Variants in CSMD3 observed in about 807,000 individuals in gnomAD.
CSMD3 encodes CUB and sushi domain-containing protein 3.
Under a neutral mutation model 435.2 loss-of-function variants are expected in CSMD3, and 177 were observed. The ratio of observed to expected loss-of-function variants is 0.41; its 90% confidence interval spans 0.36 to 0.46. The LOEUF is 0.46. Among genes scored for constraint, CSMD3 ranks in the 20% least tolerant of loss-of-function variants. CSMD3 has a pLI of 0.34. For missense variants in CSMD3, 4,265 were observed against 4,504.6 expected, an observed-to-expected ratio of 0.95 and a Z score of 1.52; for synonymous variants, 1,656 against 1,520.5, an observed-to-expected ratio of 1.09 and a Z score of -2.07.
At position 113,342,509 on chromosome 8, in the gene CSMD3, T is replaced by G. The variant is rs750260; in HGVS notation, c.179-27716A>C. ...ATTGATTAAATTGATCTGATTAACATAAAATATTCCAAGTATTATTTATTT... is the reference window on the plus strand; with the variant it reads ...ATTGATTAAATTGATCTGATTAACAGAAAATATTCCAAGTATTATTTATTT... On this transcript the variant is annotated intron_variant, in intron 1 of 70. Transcript: ENST00000297405. Among the ~76,000 whole-genome samples the G allele has an allele frequency of 7.9e-4, 120 of 152,272 alleles. No individual in the cohort carries two copies. The Middle Eastern group carries it at 0.014, about 17-fold the overall frequency.
chr8:112,801,294 T>C (rs2078956471), intron 12 of CSMD3, among the ~76,000 whole-genome samples: 1 of 152,034 alleles, frequency 6.6e-6, no homozygotes, highest in Non-Finnish European at 1.5e-5. Context: ...CAGAGGGCAG[T>C]GTAGTTGACC....
At chr8:112,582,229 C>T (rs963748767) in intron 23 of CSMD3, among the ~76,000 whole-genome samples, 1 of 151,928 alleles carries the variant, frequency 6.6e-6, no homozygotes, top group African/African-American at 2.4e-5. Context: ...CTCCCTTTCT[C>T]ACCACGTAAA....
chr8:112,931,825 G>T (rs1317345383), intron 9 of CSMD3, among the ~76,000 whole-genome samples: 2 of 152,032 alleles, frequency 1.3e-5, no homozygotes, highest in Non-Finnish European at 2.9e-5. Flanking sequence ...CATACAAATG[G>T]CAAACACGTA....
At chr8:113,058,760 C>T (rs1236805754) in intron 5 of CSMD3, among the ~76,000 whole-genome samples, 1 of 151,950 alleles carries the variant, frequency 6.6e-6, no homozygotes, top group African/African-American at 2.4e-5. Flanking sequence ...GTAAACTCCA[C>T]ATTTTCTTAT....
chr8:112,630,938 G>A (rs2074496005), intron 22 of CSMD3, among the ~76,000 whole-genome samples: 1 of 101,576 alleles, frequency 9.8e-6, no homozygotes, highest in Admixed American at 1.2e-4. Context: ...AACTACATCA[G>A]TATTCACACA....
intron 3 of CSMD3, among the ~76,000 whole-genome samples, chr8:113,271,988 C>T (rs2093531681): frequency 6.6e-6 from 1 of 152,108 alleles, no homozygotes; most frequent in South Asian, 2.1e-4. Context: ...AATTTGACTG[C>T]CCCACAGGAT....
At chr8:113,160,917 G>A (rs554035183) in intron 4 of CSMD3, among the ~76,000 whole-genome samples, 2 of 151,980 alleles carry the variant, frequency 1.3e-5, no homozygotes, top group South Asian at 2.1e-4. Context: ...TCAAGGGGAC[G>A]GATGTTGAAT....
chr8:113,425,862 G>A (rs571379415), intron 1 of CSMD3, among the ~76,000 whole-genome samples: 22 of 151,586 alleles, frequency 1.5e-4, no homozygotes, highest in Admixed American at 9.2e-4. Flanking sequence ...CTAGGAAGCC[G>A]AAAGTTGGCA....
chr8:112,316,073 A>G (rs183760490), intron 47 of CSMD3, among the ~76,000 whole-genome samples: 1 of 151,964 alleles, frequency 6.6e-6, no homozygotes, highest in African/African-American at 2.4e-5. Flanking sequence ...ATGGCAGCAT[A>G]TGATTTCTCT....
intron 22 of CSMD3, among the ~76,000 whole-genome samples, chr8:112,587,503 T>C (rs1291895497): frequency 1.3e-5 from 2 of 151,750 alleles, no homozygotes; most frequent in Non-Finnish European, 3.0e-5. Context: ...AAGGATAGCA[T>C]AGGAAAGGGT....
At chr8:112,281,646 C>G (rs1048598605) in intron 58 of CSMD3, among the ~76,000 whole-genome samples, 1 of 151,894 alleles carries the variant, frequency 6.6e-6, no homozygotes, top group African/African-American at 2.4e-5. Context: ...TCAGGTACCA[C>G]AAAATCTTTT....
In CSMD3 at chr8:112,960,920, A is replaced by G. The variant is rs997632670; in HGVS notation, c.1343-6159T>C. ...TAATATGGTTCAGAACAGCCAATAC[A>G]TTTTTTTAAATCTTAAACTCCTAAT... On this transcript the variant is annotated intron_variant, in intron 7 of 70. Coordinates refer to ENST00000297405, the MANE Select transcript of CSMD3 (RefSeq NM_198123.2). Among the ~76,000 whole-genome samples, 4 of 151,814 alleles carry G rather than the reference A, an allele frequency of 2.6e-5. No individual in the cohort carries two copies. The Middle Eastern group carries it at 0.014, about 516-fold the overall frequency.
chr8:112,671,033 G>C (rs1022807291), intron 16 of CSMD3, among the ~76,000 whole-genome samples: 6 of 152,120 alleles, frequency 3.9e-5, no homozygotes, highest in Admixed American at 3.3e-4. Context: ...TGAATTATTT[G>C]TTTGGGTCTT....
At chr8:112,404,073 A>C (rs1156434131) in intron 35 of CSMD3, among the ~76,000 whole-genome samples, 1 of 152,126 alleles carries the variant, frequency 6.6e-6, no homozygotes, top group Non-Finnish European at 1.5e-5. Context: ...TTGGGGTGGG[A>C]GTGGCGATAT....
chr8:112,241,806 G>T, intron 65 of CSMD3, 21 bp from the exon 66 acceptor site: 1 of 1,543,186 alleles, frequency 6.5e-7, no homozygotes, highest in Non-Finnish European at 8.9e-7. Flanking sequence ...AAATAAAGGT[G>T]TTTACAAAAG....
In CSMD3 at chr8:113,415,501, CAG is replaced by C. The variant is rs1220270463; in HGVS notation, c.178+21174_178+21175del. Reference sequence around the variant, plus strand: ...AGGTAAAATCTTCCACGACTATGAACAGAGTGTTTAATTTTTATTTAAAGTTA... The same window carrying C: ...AGGTAAAATCTTCCACGACTATGAACAGTGTTTAATTTTTATTTAAAGTTA... On this transcript the variant is annotated intron_variant, in intron 1 of 70. Coordinates refer to ENST00000297405, the MANE Select transcript of CSMD3 (RefSeq NM_198123.2). 5.9e-5 allele frequency among the ~76,000 whole-genome samples: 9 copies of C among 152,186 alleles called. No individual in the cohort carries two copies. In the South Asian group the frequency reaches 8.3e-4, roughly 14 times the overall value.
intron 32 of CSMD3, among the ~76,000 whole-genome samples, 181 bp downstream of exon 32, chr8:112,472,410 A>T (rs935086384): frequency 1.3e-5 from 2 of 152,142 alleles, no homozygotes; most frequent in Admixed American, 6.6e-5. Flanking sequence ...TTGACTGTAA[A>T]TTCAGATTGA....
intron 19 of CSMD3, among the ~76,000 whole-genome samples, chr8:112,649,031 T>C (rs1172514788): frequency 6.6e-6 from 1 of 152,232 alleles, no homozygotes; most frequent in East Asian, 1.9e-4. Flanking sequence ...TACAGGGCTA[T>C]CAACTTCCAT....
At chr8:113,355,269 AAC>A (rs924301368) in intron 1 of CSMD3, among the ~76,000 whole-genome samples, 5 of 151,782 alleles carry the variant, frequency 3.3e-5, no homozygotes, top group East Asian at 1.9e-4. Flanking sequence ...GTACATATAT[AAC>A]ACACACACAC....
Sources: gnomAD v4.1 joint callset for allele counts (sites outside exome capture counted in the v4.1 genomes callset) on GRCh38, gnomAD v4.1.1 for gene constraint, MANE v1.5 for transcripts, NCBI Gene and HGNC (gene_info 2026-07-23, HGNC 2026-07-21) for gene names.